CDYL2: variants seen among roughly 807,000 people sequenced by gnomAD.
The protein encoded by CDYL2 is chromodomain Y like 2.
In CDYL2, 23 loss-of-function variants were observed where a neutral mutation model predicts 49.4. The observed-to-expected ratio is 0.47, with a 90% confidence interval of 0.34 to 0.66. The LOEUF (loss-of-function observed/expected upper bound fraction) is 0.66, where lower values mean the gene tolerates loss of function less well. Among genes scored for constraint, CDYL2 ranks in the 30% least tolerant of loss-of-function variants. The pLI, the probability that CDYL2 is intolerant of heterozygous loss-of-function variation, is 0.01. For synonymous variants in CDYL2, 360 were observed against 268.8 expected (o/e 1.34, Z -3.32); for missense variants, 678 against 656.4 (o/e 1.03, Z -0.36).
At chr16:80,748,211 T>C (rs951860188) in intron 1 of CDYL2, among the ~76,000 whole-genome samples, 2 of 148,664 alleles carry the variant, frequency 1.3e-5, no homozygotes, top group Admixed American at 1.3e-4. Flanking sequence ...TGTAGGTCTG[T>C]GCCCTGGCTC....
At chr16:80,761,422 T>C (rs1025624651) in intron 1 of CDYL2, among the ~76,000 whole-genome samples, 11 of 152,196 alleles carry the variant, frequency 7.2e-5, no homozygotes, top group Non-Finnish European at 8.8e-5. Flanking sequence ...CACCCAGAGC[T>C]TAGTAGAGAG....
chr16:80,735,903 G>C (rs539289541), intron 1 of CDYL2, among the ~76,000 whole-genome samples: 2 of 152,342 alleles, frequency 1.3e-5, no homozygotes, highest in East Asian at 3.9e-4. Flanking sequence ...AGGCTAGAGA[G>C]AGCAGGGCAA....
At chr16:80,667,838 G>T (rs992903692) in intron 2 of CDYL2, among the ~76,000 whole-genome samples, 1 of 152,188 alleles carries the variant, frequency 6.6e-6, no homozygotes, top group Admixed American at 6.5e-5. Flanking sequence ...AACCCGTGAG[G>T]TATGAATATC....
chr16:80,731,390 A>G (rs1905321308), intron 1 of CDYL2, among the ~76,000 whole-genome samples: 1 of 152,184 alleles, frequency 6.6e-6, no homozygotes, highest in Non-Finnish European at 1.5e-5. Context: ...GAATAACAAA[A>G]GTTCAAAAAA....
chr16:80,667,015 G>A (rs1471426980), intron 2 of CDYL2, among the ~76,000 whole-genome samples: 2 of 152,188 alleles, frequency 1.3e-5, no homozygotes, highest in African/African-American at 4.8e-5. Context: ...TACAAACCGA[G>A]GTCAGTGCTG....
chr16:80,756,613 C>A (rs996861390), intron 1 of CDYL2, among the ~76,000 whole-genome samples: 10 of 152,112 alleles, frequency 6.6e-5, no homozygotes, highest in African/African-American at 2.2e-4. Flanking sequence ...TAAAATGTTT[C>A]AGACGACAGT....
chr16:80,787,361 A>G (rs1907471342), intron 1 of CDYL2, among the ~76,000 whole-genome samples: 2 of 152,224 alleles, frequency 1.3e-5, no homozygotes, highest in African/African-American at 4.8e-5. Flanking sequence ...TCCAACAGCC[A>G]GTACTTCCAT....
intron 2 of CDYL2, among the ~76,000 whole-genome samples, chr16:80,654,139 G>A (rs1908705392): frequency 6.6e-6 from 1 of 152,228 alleles, no homozygotes; most frequent in South Asian, 2.1e-4. Context: ...AAGGGTGCAA[G>A]GAGACGCAGA....
intron 1 of CDYL2, among the ~76,000 whole-genome samples, chr16:80,713,344 C>T (rs1904684781): frequency 6.6e-6 from 1 of 152,218 alleles, no homozygotes. Flanking sequence ...GAGACTCAAT[C>T]AGATTGTCAC....
At chr16:80,761,114 T>TG (rs563826002) in intron 1 of CDYL2, among the ~76,000 whole-genome samples, 135 of 152,198 alleles carry the variant, frequency 8.9e-4, no homozygotes, top group African/African-American at 2.6e-3. Context: ...ATCACCTGGC[T>TG]GGGGGGAGAC....
chr16:80,767,781 C>G (rs969062468), intron 1 of CDYL2, among the ~76,000 whole-genome samples: 8 of 152,186 alleles, frequency 5.3e-5, no homozygotes, highest in African/African-American at 1.9e-4. Flanking sequence ...TGGGTGCCTA[C>G]TATATGCCAG....
intron 1 of CDYL2, among the ~76,000 whole-genome samples, chr16:80,690,286 A>G (rs1910364146): frequency 6.6e-6 from 1 of 152,078 alleles, no homozygotes; most frequent in South Asian, 2.1e-4. Context: ...CTGACAGCAA[A>G]CTCAGCCTGT....
In CDYL2 at chr16:80,759,984, A is replaced by C. The variant is rs1401256743; in HGVS notation, c.24+44166T>G. On this transcript the variant is annotated intron_variant, in intron 1 of 6. Transcript: ENST00000570137. ...CTGTCTCAGGGTAAATTAACTGTAG[A>C]GGCATAAAACCTTTTCAGACATTAG... Among the ~76,000 whole-genome samples the C allele has an allele frequency of 2.6e-5, 4 of 152,356 alleles. No homozygotes were observed. In the South Asian group the frequency reaches 6.2e-4, roughly 24 times the overall value.
chr16:80,732,820 T>A (rs540820570), intron 1 of CDYL2, among the ~76,000 whole-genome samples: 24 of 152,340 alleles, frequency 1.6e-4, no homozygotes, highest in African/African-American at 5.8e-4. Flanking sequence ...TAACCTCTCT[T>A]AAGGTCTGCA....
Position 80,622,538 on chromosome 16 carries a change from G to C in CDYL2, c.835-1603C>G, listed in dbSNP as rs368987506. On this transcript the variant is annotated intron_variant, in intron 3 of 6. Transcript: ENST00000570137. Reference sequence around the variant, plus strand: ...CTTGCTCAACTGTTATTTTAATAAAGACAGGAATTGCATCTCTCTTATTCT... The same window carrying C: ...CTTGCTCAACTGTTATTTTAATAAACACAGGAATTGCATCTCTCTTATTCT... 7.9e-5 allele frequency among the ~76,000 whole-genome samples: 12 copies of C among 152,138 alleles called. No homozygotes were observed. In the East Asian group the frequency reaches 2.1e-3, roughly 27 times the overall value.
chr16:80,777,532 T>A (rs1260662122), intron 1 of CDYL2, among the ~76,000 whole-genome samples: 1 of 152,000 alleles, frequency 6.6e-6, no homozygotes, highest in Non-Finnish European at 1.5e-5. Context: ...AGGAAAGAGA[T>A]GAAGGGTATA....
chr16:80,769,910 G>A (rs1906850658), intron 1 of CDYL2, among the ~76,000 whole-genome samples: 1 of 151,914 alleles, frequency 6.6e-6, no homozygotes, highest in Non-Finnish European at 1.5e-5. Context: ...CCCACGAAAT[G>A]GAAATAAGGG....
intron 1 of CDYL2, among the ~76,000 whole-genome samples, chr16:80,725,237 T>G (rs1332187976): frequency 6.6e-6 from 1 of 151,890 alleles, no homozygotes; most frequent in Non-Finnish European, 1.5e-5. Flanking sequence ...CTCACCAACA[T>G]CTATTCATCC....
At chr16:80,703,934 G>A (rs1332894038) in intron 1 of CDYL2, among the ~76,000 whole-genome samples, 1 of 152,132 alleles carries the variant, frequency 6.6e-6, no homozygotes, top group Non-Finnish European at 1.5e-5. Flanking sequence ...CAGGGTGGGT[G>A]CGCCCATCAC....
Sources: gnomAD v4.1 joint callset for allele counts (sites outside exome capture counted in the v4.1 genomes callset) on GRCh38, gnomAD v4.1.1 for gene constraint, MANE v1.5 for transcripts, NCBI Gene and HGNC (gene_info 2026-07-23, HGNC 2026-07-21) for gene names.